Variants in RBFOX1 observed in about 807,000 individuals in gnomAD.
The protein encoded by RBFOX1 is RNA binding fox-1 homolog 1, also known as RNA binding protein fox-1 homolog 1.
A neutral mutation model predicts 57.7 loss-of-function variants in RBFOX1; 8 were observed. The observed-to-expected ratio is 0.14, with a 90% CI of 0.08 to 0.25. The LOEUF (loss-of-function observed/expected upper bound fraction) is 0.25. RBFOX1 is among the 10% of genes least tolerant of loss of function. RBFOX1 has a pLI of 1.00. For synonymous variants in RBFOX1, 326 were observed against 222.4 expected, an observed-to-expected ratio of 1.47 and a Z score of -4.15; for missense variants, 611 against 548.5, an observed-to-expected ratio of 1.11 and a Z score of -1.14.
chr16:6,606,744 A>T (rs767763209), intron 2 of RBFOX1, among the ~76,000 whole-genome samples: 3 of 152,176 alleles, frequency 2.0e-5, no homozygotes, highest in Non-Finnish European at 4.4e-5. Context: ...CGTTTTCTTT[A>T]TCTGGTCTAT....
chr16:6,653,965 T>TTGGA lies in RBFOX1; in HGVS notation c.-63-637_-63-634dup, dbSNP rs759444219. On this transcript the variant is annotated intron_variant, in intron 2 of 15. Coordinates refer to ENST00000550418, the MANE Select transcript of RBFOX1 (RefSeq NM_018723.4). Reference sequence around the variant, plus strand: ...TAGAGGGTGGATGAAGGATGGATGGTTGGACGGATGGATGGATGGATGGAT... The same window carrying TTGGA: ...TAGAGGGTGGATGAAGGATGGATGGTTGGATGGACGGATGGATGGATGGATGGAT... Among the ~76,000 whole-genome samples, 598 of 125,754 alleles carry TTGGA rather than the reference T, an allele frequency of 4.8e-3. 13 individuals are homozygous for TTGGA. The highest frequency in any genetic ancestry group is 0.018 in the African/African-American group (558 of 30,170). 82.5% of individuals were successfully genotyped at this position (125,754 alleles called of 152,430 possible). A position where few individuals can be genotyped will look rare whatever the true frequency, so the allele number is the denominator to read the frequency against.
At chr16:6,258,463 G>T (rs1315477268) in intron 1 of RBFOX1, among the ~76,000 whole-genome samples, 1 of 152,102 alleles carries the variant, frequency 6.6e-6, no homozygotes. Flanking sequence ...TGCATGTACC[G>T]ATGAATTTTA....
At chr16:5,809,366 T>A (rs1007537215) in intron 3 of RBFOX1, among the ~76,000 whole-genome samples, 1 of 152,118 alleles carries the variant, frequency 6.6e-6, no homozygotes, top group Non-Finnish European at 1.5e-5. Flanking sequence ...CAAAAGAAAC[T>A]GCTATCAGAG....
chr16:7,427,120 T>TG (rs1555893857), intron 4 of RBFOX1, among the ~76,000 whole-genome samples: 1 of 151,822 alleles, frequency 6.6e-6, no homozygotes. Context: ...TGTCATGCAG[T>TG]GGGGGGAGCG....
chr16:7,638,474 G>T (rs1038695322), intron 11 of RBFOX1, among the ~76,000 whole-genome samples: 1 of 152,134 alleles, frequency 6.6e-6, no homozygotes, highest in Non-Finnish European at 1.5e-5. Context: ...TGAGCAGGGA[G>T]TGGTCACGGG....
At chr16:7,048,006 G>C (rs2048628124) in intron 3 of RBFOX1, among the ~76,000 whole-genome samples, 1 of 151,572 alleles carries the variant, frequency 6.6e-6, no homozygotes, top group Non-Finnish European at 1.5e-5. Flanking sequence ...AGCCGTCTGA[G>C]TAGCTGGGAA....
chr16:6,357,812 G>T (rs113857311), intron 2 of RBFOX1, among the ~76,000 whole-genome samples: 2 of 152,006 alleles, frequency 1.3e-5, no homozygotes, highest in East Asian at 3.9e-4. Flanking sequence ...TTAGCCGGGC[G>T]TGGTGGTGGG....
At chr16:7,160,109 C>A (rs1364817797) in intron 4 of RBFOX1, among the ~76,000 whole-genome samples, 1 of 152,036 alleles carries the variant, frequency 6.6e-6, no homozygotes, top group African/African-American at 2.4e-5. Flanking sequence ...CTTACCACAA[C>A]AGAATATTAT....
At chr16:6,944,812 A>G (rs560332404) in intron 3 of RBFOX1, among the ~76,000 whole-genome samples, 3 of 152,270 alleles carry the variant, frequency 2.0e-5, no homozygotes, top group African/African-American at 4.8e-5. Flanking sequence ...TAACCTGAGG[A>G]CTGGAGGGCT....
chr16:7,215,833 T>G (rs1049993735), intron 4 of RBFOX1, among the ~76,000 whole-genome samples: 5 of 151,390 alleles, frequency 3.3e-5, no homozygotes, highest in Middle Eastern at 6.3e-3. Context: ...CACGCCATTC[T>G]CCTGCCTCAG....
intron 3 of RBFOX1, among the ~76,000 whole-genome samples, chr16:6,813,312 G>A (rs181380595): frequency 4.9e-4 from 75 of 152,216 alleles, no homozygotes; most frequent in African/African-American, 1.6e-3. Flanking sequence ...AACCCTCTTC[G>A]TTTCTAGCCT....
chr16:6,326,126 T>G (rs1045294932), intron 2 of RBFOX1, among the ~76,000 whole-genome samples: 7 of 152,322 alleles, frequency 4.6e-5, no homozygotes, highest in East Asian at 1.9e-4. Context: ...CAAAACTGCA[T>G]GGTGGTACAT....
intron 4 of RBFOX1, among the ~76,000 whole-genome samples, chr16:7,056,460 A>C (rs78146473): frequency 6.6e-6 from 1 of 152,216 alleles, no homozygotes; most frequent in Non-Finnish European, 1.5e-5. Context: ...TGTATTTACC[A>C]GCTTGTTCTA....
intron 7 of RBFOX1, among the ~76,000 whole-genome samples, chr16:7,590,863 GAAA>G (rs36061659): frequency 0.031 from 3,145 of 102,928 alleles, 84 homozygotes; most frequent in African/African-American, 0.11. Flanking sequence ...CTGTCTCTAA[GAAA>G]AAAAAAAAAA....
At chr16:5,640,973 C>T (rs1256793479) in intron 3 of RBFOX1, among the ~76,000 whole-genome samples, 3 of 151,350 alleles carry the variant, frequency 2.0e-5, no homozygotes, top group Admixed American at 6.6e-5. Context: ...CACATGCACA[C>T]ACATACATGC....
chr16:7,295,592 A>G (rs1207905482), intron 4 of RBFOX1, among the ~76,000 whole-genome samples: 1 of 152,116 alleles, frequency 6.6e-6, no homozygotes, highest in Non-Finnish European at 1.5e-5. Flanking sequence ...ATATAATAGC[A>G]GCTGCAAAGG....
intron 3 of RBFOX1, among the ~76,000 whole-genome samples, chr16:5,659,530 C>G (rs999913249): frequency 1.3e-5 from 2 of 152,086 alleles, no homozygotes; most frequent in South Asian, 2.1e-4. Context: ...GCCTCAGTCT[C>G]CTGACCTTGT....
At chr16:5,713,211 T>C (rs2051560724) in intron 3 of RBFOX1, among the ~76,000 whole-genome samples, 1 of 152,218 alleles carries the variant, frequency 6.6e-6, no homozygotes, top group South Asian at 2.1e-4. Flanking sequence ...TGGGGCTAAT[T>C]TCTTTTGTTA....
At chr16:6,692,009 G>A (rs2060274962) in intron 3 of RBFOX1, among the ~76,000 whole-genome samples, 1 of 152,172 alleles carries the variant, frequency 6.6e-6, no homozygotes, top group South Asian at 2.1e-4. Flanking sequence ...GCTTTCAGAG[G>A]AAACACAGCC....
Sources: gnomAD v4.1 joint callset for allele counts (sites outside exome capture counted in the v4.1 genomes callset) on GRCh38, gnomAD v4.1.1 for gene constraint, MANE v1.5 for transcripts, NCBI Gene and HGNC (gene_info 2026-07-23, HGNC 2026-07-21) for gene names.